CCDC170: variants seen among roughly 807,000 people sequenced by gnomAD.
CCDC170 encodes the protein coiled-coil domain containing 170.
Under a neutral mutation model 72.6 loss-of-function variants are expected in CCDC170, and 69 were observed. That is an observed-to-expected ratio of 0.95 (90% CI 0.78 to 1.16). CCDC170 has a LOEUF of 1.16. CCDC170 is among the 50% of genes most tolerant of loss of function. The probability of loss-of-function intolerance (pLI) is 0.00; values close to 1 mark genes in which losing one functional copy is unlikely to be tolerated. For synonymous variants in CCDC170, 300 were observed against 303.9 expected (o/e 0.99, Z 0.13); for missense variants, 852 against 832.5 (o/e 1.02, Z -0.29).
intron 1 of CCDC170, among the ~76,000 whole-genome samples, chr6:151,508,947 G>A (rs1226806781): frequency 3.3e-5 from 5 of 151,298 alleles, no homozygotes; most frequent in South Asian, 4.2e-4. Context: ...CCCAGGAGGC[G>A]GAGGTTGTGG....
chr6:151,593,082 T>C, intron 7 of CCDC170, 25 bp from the exon 8 acceptor site: 1 of 1,612,830 alleles, frequency 6.2e-7, no homozygotes, highest in African/African-American at 1.3e-5. Context: ...TCATGTCCCA[T>C]TTTTGTTTCT....
chr6:151,528,711 G>A (rs1272370609), intron 1 of CCDC170, among the ~76,000 whole-genome samples: 2 of 151,678 alleles, frequency 1.3e-5, no homozygotes, highest in African/African-American at 4.8e-5. Context: ...GGTGGCGCAT[G>A]CCTGTAGTCC....
At chr6:151,496,774 G>A (rs1366496794) in intron 1 of CCDC170, among the ~76,000 whole-genome samples, 1 of 152,196 alleles carries the variant, frequency 6.6e-6, no homozygotes, top group Non-Finnish European at 1.5e-5. Flanking sequence ...CCACTCATCT[G>A]TGACATCTTG....
chr6:151,552,347 G>T (rs939585584), intron 5 of CCDC170, among the ~76,000 whole-genome samples: 2 of 152,044 alleles, frequency 1.3e-5, no homozygotes. Flanking sequence ...GTTTCTATGG[G>T]GTGATCATTA....
intron 5 of CCDC170, among the ~76,000 whole-genome samples, chr6:151,566,323 A>G (rs1265904167): frequency 6.6e-6 from 1 of 152,120 alleles, no homozygotes; most frequent in Non-Finnish European, 1.5e-5. Flanking sequence ...TTCTTTTAAC[A>G]TTTCCTCTTA....
intron 5 of CCDC170, among the ~76,000 whole-genome samples, chr6:151,560,774 G>A (rs1783064437): frequency 2.0e-5 from 3 of 152,014 alleles, no homozygotes; most frequent in Admixed American, 2.0e-4. Context: ...TACAAGAATA[G>A]CAACTTTTGC....
At chr6:151,513,129 G>A (rs1270932379) in intron 1 of CCDC170, among the ~76,000 whole-genome samples, 9 of 152,156 alleles carry the variant, frequency 5.9e-5, no homozygotes, top group Non-Finnish European at 1.2e-4. Flanking sequence ...GTCGAATCGC[G>A]GGAGAGTAGT....
At chr6:151,605,032 C>T (rs2115131953) in intron 9 of CCDC170, among the ~76,000 whole-genome samples, 1 of 152,290 alleles carries the variant, frequency 6.6e-6, no homozygotes, top group African/African-American at 2.4e-5. Flanking sequence ...CATTAACCAA[C>T]CTTTTCCTGT....
chr6:151,542,658 T>C (rs1003561544), intron 3 of CCDC170, among the ~76,000 whole-genome samples: 3 of 152,240 alleles, frequency 2.0e-5, no homozygotes, highest in African/African-American at 4.8e-5. Context: ...GCAGTGAATA[T>C]CTATGTGATT....
chr6:151,617,890 A>G, intron 10 of CCDC170, 57 bp from the exon 11 acceptor site: 2 of 1,541,952 alleles, frequency 1.3e-6, no homozygotes, highest in Admixed American at 1.8e-5. Context: ...CATTTGGCTC[A>G]GCAGTAGTTG....
At chr6:151,527,466 G>A (rs1482587545) in intron 1 of CCDC170, among the ~76,000 whole-genome samples, 1 of 152,160 alleles carries the variant, frequency 6.6e-6, no homozygotes, top group Admixed American at 6.5e-5. Flanking sequence ...GGCCAGGAAA[G>A]TCCTCCCAAG....
intron 8 of CCDC170, 80 bp downstream of exon 8, chr6:151,593,360 C>A (rs1180593674): frequency 4.3e-6 from 6 of 1,407,176 alleles, no homozygotes; most frequent in Non-Finnish European, 5.9e-6. Flanking sequence ...TGTACTGCCA[C>A]CATGTTTACC....
chr6:151,511,516 G>T (rs1782150161), intron 1 of CCDC170, among the ~76,000 whole-genome samples: 1 of 152,146 alleles, frequency 6.6e-6, no homozygotes, highest in African/African-American at 2.4e-5. Context: ...TTCATTATGT[G>T]CTAGGAAATG....
chr6:151,572,793 G>A (rs1439696234), intron 5 of CCDC170, among the ~76,000 whole-genome samples: 3 of 151,640 alleles, frequency 2.0e-5, no homozygotes, highest in Admixed American at 6.6e-5. Context: ...GGGATTACAG[G>A]TGTGCGCCAC....
chr6:151,572,653 T>TTTG (rs1776236715), intron 5 of CCDC170, among the ~76,000 whole-genome samples: 1 of 100,502 alleles, frequency 1.0e-5, no homozygotes, highest in East Asian at 3.4e-4. Flanking sequence ...CTCTGTGTTT[T>TTTG]TTTTTTTTTT....
At chr6:151,591,975 G>A (rs1776544027) in intron 7 of CCDC170, among the ~76,000 whole-genome samples, 1 of 146,690 alleles carries the variant, frequency 6.8e-6, no homozygotes, top group East Asian at 1.9e-4. Context: ...AGTTGCCAGT[G>A]ACAACCTTTG....
intron 6 of CCDC170, among the ~76,000 whole-genome samples, chr6:151,578,840 T>C (rs1039874620): frequency 6.6e-6 from 1 of 152,206 alleles, no homozygotes; most frequent in African/African-American, 2.4e-5. Flanking sequence ...AACTGGACTT[T>C]AAGTGACCCA....
intron 1 of CCDC170, among the ~76,000 whole-genome samples, chr6:151,533,255 C>A (rs577772073): frequency 6.6e-6 from 1 of 151,532 alleles, no homozygotes; most frequent in African/African-American, 2.4e-5. Flanking sequence ...GGGGTTTCAC[C>A]ATGTTAGCCA....
In CCDC170 at chr6:151,592,092, T is replaced by G. The variant is rs569989046; in HGVS notation, c.1294-1015T>G. Among the ~76,000 whole-genome samples the G allele has an allele frequency of 9.2e-5, 14 of 152,170 alleles. No homozygotes were observed. The South Asian group carries it at 2.7e-3, about 29-fold the overall frequency. ...AAAGACATAGGCTGGGCACGGTGGC[T>G]CATGCCTGTAATCCTAGCACTTTGG... On this transcript the variant is annotated intron_variant, in intron 7 of 10. Transcript: ENST00000239374.
Sources: gnomAD v4.1 joint callset for allele counts (sites outside exome capture counted in the v4.1 genomes callset) on GRCh38, gnomAD v4.1.1 for gene constraint, MANE v1.5 for transcripts, NCBI Gene and HGNC (gene_info 2026-07-23, HGNC 2026-07-21) for gene names.